The following MNAT1 variants were observed in gnomAD, a reference collection of about 807,000 sequenced individuals.
MNAT1 encodes the protein MNAT1 component of CDK activating kinase.
A neutral mutation model predicts 42.0 loss-of-function variants in MNAT1; 43 were observed. The observed-to-expected ratio is 1.02, with a 90% CI of 0.80 to 1.32. The LOEUF (loss-of-function observed/expected upper bound fraction) is 1.32, where lower values mean the gene tolerates loss of function less well. Among genes scored for constraint, MNAT1 ranks in the 40% most tolerant of loss-of-function variants. MNAT1 has a pLI of 0.00. For synonymous variants in MNAT1, 118 were observed against 120.0 expected (o/e 0.98, Z 0.11); for missense variants, 306 against 350.4 (o/e 0.87, Z 1.01).
chr14:60,898,136 TGTGTGCGC>T (rs1211701036), intron 7 of MNAT1, among the ~76,000 whole-genome samples: 36 of 26,470 alleles, frequency 1.4e-3, no homozygotes, highest in Middle Eastern at 0.023. Flanking sequence ...TGTGTGTGTG[TGTGTGCGC>T]GCGCCACATT....
At chr14:60,966,762 C>T (rs1465905443) in intron 7 of MNAT1, among the ~76,000 whole-genome samples, 1 of 152,200 alleles carries the variant, frequency 6.6e-6, no homozygotes, top group Non-Finnish European at 1.5e-5. Flanking sequence ...GATCCGCCCA[C>T]CTTGGCCTTC....
chr14:60,931,461 A>T (rs556017286), intron 7 of MNAT1, among the ~76,000 whole-genome samples: 3 of 152,322 alleles, frequency 2.0e-5, no homozygotes, highest in Admixed American at 2.0e-4. Context: ...GAGTATGTGC[A>T]GCTGCCGCTT....
chr14:60,911,723 G>C (rs1594863023), intron 7 of MNAT1, among the ~76,000 whole-genome samples: 1 of 152,156 alleles, frequency 6.6e-6, no homozygotes, highest in Non-Finnish European at 1.5e-5. Flanking sequence ...CATTTGCTGA[G>C]GAGTGTTTTA....
rs535024679 is a variant in MNAT1, at chr14:60,856,457, T to C, written c.688-23257T>C. On this transcript the variant is annotated intron_variant, in intron 6 of 7. Transcript: ENST00000261245. ...CTAGCAGAAGTTAATTCATGGAATT[T>C]AAGGAAAGATGCCATTTCTATAACA... is the stretch of plus-strand genomic sequence containing the variant. 2.8e-4 allele frequency among the ~76,000 whole-genome samples: 43 copies of C among 152,272 alleles called. 1 individual carries two copies. Among genetic ancestry groups the C allele is most frequent in the African/African-American group, 1.0e-3 (43 of 41,552 alleles).
Position 60,734,998 on chromosome 14 carries a change from GGGA to G in MNAT1, c.89+52_89+54del. The G allele has an allele frequency of 6.4e-7, 1 of 1,570,604 alleles. No homozygotes were observed. Among genetic ancestry groups the G allele is most frequent in the Non-Finnish European group, 8.8e-7 (1 of 1,140,550 alleles). On this transcript the variant is annotated intron_variant, in intron 1 of 7. Coordinates refer to ENST00000261245, the MANE Select transcript of MNAT1 (RefSeq NM_002431.4). The surrounding 1 kb of genome is among the most constrained non-coding windows in gnomAD (Gnocchi z 4.3). ...TCCCTGGGGGAGAGACGCGCTGGGT[GGGA>G]GGAGAGGACCGGGAGATGCTAGGCC... is the stretch of plus-strand genomic sequence containing the variant.
At chr14:60,855,592 G>A (rs112433254) in intron 6 of MNAT1, among the ~76,000 whole-genome samples, 33 of 152,260 alleles carry the variant, frequency 2.2e-4, no homozygotes, top group African/African-American at 2.9e-4. Flanking sequence ...TGGGTGGAGC[G>A]ATGCCCCACC....
intron 6 of MNAT1, among the ~76,000 whole-genome samples, chr14:60,859,577 C>CA (rs1453002093): frequency 2.0e-5 from 3 of 152,042 alleles, no homozygotes; most frequent in African/African-American, 7.2e-5. Context: ...TTAATCAAGA[C>CA]AAAAAATGAG....
intron 6 of MNAT1, among the ~76,000 whole-genome samples, chr14:60,864,050 C>G (rs1053578001): frequency 1.3e-5 from 2 of 151,870 alleles, no homozygotes; most frequent in Admixed American, 1.3e-4. Context: ...GTTATAAAAA[C>G]AAGACAACTT....
intron 7 of MNAT1, among the ~76,000 whole-genome samples, chr14:60,962,975 A>ATGTTTTT (rs200414763): frequency 0.033 from 5,023 of 151,756 alleles, 138 homozygotes; most frequent in African/African-American, 0.076. Context: ...ATGAAGCCAT[A>ATGTTTTT]TGTTTTTTGT....
chr14:60,812,493 TGTTGAAGA>T (rs1052595313), intron 5 of MNAT1, among the ~76,000 whole-genome samples: 23 of 152,322 alleles, frequency 1.5e-4, no homozygotes, highest in African/African-American at 5.3e-4. Flanking sequence ...CCCATCTCCA[TGTTGAAGA>T]CAGTTTAAAA....
intron 6 of MNAT1, among the ~76,000 whole-genome samples, chr14:60,825,363 A>G (rs1026262347): frequency 1.3e-5 from 2 of 152,202 alleles, no homozygotes; most frequent in Non-Finnish European, 2.9e-5. Flanking sequence ...AATACAGATG[A>G]AAGTCTAAAT....
Position 60,847,023 on chromosome 14 carries a change from A to G in MNAT1, c.687+28176A>G, listed in dbSNP as rs528629719. On this transcript the variant is annotated intron_variant, in intron 6 of 7. Coordinates refer to ENST00000261245, the MANE Select transcript of MNAT1 (RefSeq NM_002431.4). ...TCATGTATTTTGAGACTCCTTTTGT[A>G]TGTTTATAATTTTTATATCTTCATG... Among the ~76,000 whole-genome samples the G allele has an allele frequency of 2.5e-4, 38 of 151,974 alleles. No homozygotes were observed. In the South Asian group the frequency reaches 7.7e-3, roughly 31 times the overall value.
At chr14:60,744,900 A>G (rs1896571132) in intron 1 of MNAT1, among the ~76,000 whole-genome samples, 1 of 152,150 alleles carries the variant, frequency 6.6e-6, no homozygotes, top group South Asian at 2.1e-4. Context: ...AACTCTAGGT[A>G]TACCCAGTAC....
intron 1 of MNAT1, among the ~76,000 whole-genome samples, chr14:60,756,318 T>G (rs1437720092): frequency 6.6e-6 from 1 of 152,234 alleles, no homozygotes; most frequent in Admixed American, 6.5e-5. Context: ...ATAGAACTTC[T>G]GCATTTTGGA....
intron 7 of MNAT1, among the ~76,000 whole-genome samples, chr14:60,956,502 G>A (rs1480177000): frequency 2.6e-5 from 4 of 152,108 alleles, no homozygotes; most frequent in South Asian, 2.1e-4. Flanking sequence ...TTCTGTATAC[G>A]TCTGTTAGGT....
chr14:60,874,683 G>A (rs1594822221), intron 6 of MNAT1, among the ~76,000 whole-genome samples: 1 of 151,998 alleles, frequency 6.6e-6, no homozygotes, highest in East Asian at 1.9e-4. Context: ...CTTATAATTA[G>A]TATATCATGC....
chr14:60,871,159 G>A (rs1302395383), intron 6 of MNAT1, among the ~76,000 whole-genome samples: 2 of 152,098 alleles, frequency 1.3e-5, no homozygotes, highest in Admixed American at 6.5e-5. Flanking sequence ...CTATATGAAT[G>A]TACCACCCCA....
At chr14:60,859,411 C>G (rs1398707582) in intron 6 of MNAT1, among the ~76,000 whole-genome samples, 1 of 152,140 alleles carries the variant, frequency 6.6e-6, no homozygotes, top group African/African-American at 2.4e-5. Context: ...CTGTGCCTTT[C>G]CAAGTCCTCA....
At chr14:60,818,963 A>C in intron 6 of MNAT1, 116 bp downstream of exon 6, 1 of 1,207,510 alleles carries the variant, frequency 8.3e-7, no homozygotes. Flanking sequence ...ACAGTGTCTG[A>C]TCTAGTTTTA....
Sources: allele counts gnomAD v4.1 joint callset (sites outside exome capture counted in the v4.1 genomes callset), GRCh38; gene constraint gnomAD v4.1.1; non-coding constraint Gnocchi (gnomAD v3.1); transcripts MANE v1.5; gene names NCBI Gene and HGNC (gene_info 2026-07-23, HGNC 2026-07-21).